COG5: variants seen among roughly 807,000 people sequenced by gnomAD.
COG5 encodes conserved oligomeric Golgi complex subunit 5.
Under a neutral mutation model 110.4 loss-of-function variants are expected in COG5, and 86 were observed. That is an observed-to-expected ratio of 0.78 (90% CI 0.65 to 0.93). COG5 has a LOEUF of 0.93. COG5 is among the 40% of genes least tolerant of loss of function. COG5 has a pLI of 0.00. For missense variants in COG5, 1,077 were observed against 987.0 expected (o/e 1.09, Z -1.22); for synonymous variants, 360 against 334.6 (o/e 1.08, Z -0.83).
chr7:107,507,212 T>C (rs1162472410), intron 6 of COG5, among the ~76,000 whole-genome samples: 2 of 152,216 alleles, frequency 1.3e-5, no homozygotes, highest in African/African-American at 4.8e-5. Flanking sequence ...AGCCTGCAGC[T>C]TCTTTCAAAG....
intron 6 of COG5, among the ~76,000 whole-genome samples, chr7:107,415,880 G>A (rs1384632101): frequency 2.1e-5 from 2 of 97,220 alleles, no homozygotes; most frequent in Non-Finnish European, 1.8e-5. Context: ...ATGTATGTGT[G>A]TGTATATACA....
chr7:107,391,192 G>T (rs954200221), intron 7 of COG5, among the ~76,000 whole-genome samples: 1 of 152,194 alleles, frequency 6.6e-6, no homozygotes, highest in South Asian at 2.1e-4. Flanking sequence ...TGCCCGGAAG[G>T]CCAGCGAGTA....
At chr7:107,256,905 A>G (rs1400128027) in intron 15 of COG5, 111 bp from the exon 16 acceptor site, 1 of 738,694 alleles carries the variant, frequency 1.4e-6, no homozygotes, top group South Asian at 1.5e-5. Context: ...ATACAATATT[A>G]TCATTGCTTT....
chr7:107,250,837 G>T (rs1288070472), intron 16 of COG5, among the ~76,000 whole-genome samples: 2 of 151,902 alleles, frequency 1.3e-5, no homozygotes, highest in Non-Finnish European at 2.9e-5. Flanking sequence ...AAATCTCTCT[G>T]GAGAAGAGAA....
At position 107,211,133 on chromosome 7, in the gene COG5, G is replaced by A. The variant is rs760602600; in HGVS notation, c.2261C>T (p.Thr754Met). Residue 754 changes from threonine to methionine, a missense_variant, in exon 20 of 22, where the codon ACG becomes ATG. Coordinates refer to ENST00000297135, the MANE Select transcript of COG5 (RefSeq NM_006348.5). Reference sequence around the variant, plus strand: ...AGATTTCAGTTCAGCGGGTGCTCTCGTGAACAAAAACTGAATAATGATGCT... The same window carrying A: ...AGATTTCAGTTCAGCGGGTGCTCTCATGAACAAAAACTGAATAATGATGCT... ...PFSIIIQFLF[T>M]RAPAELKSPF... 2.4e-5 allele frequency: 39 copies of A among 1,613,896 alleles called. No homozygotes were observed. The highest frequency in any genetic ancestry group is 6.7e-5 in the African/African-American group (5 of 74,880).
intron 6 of COG5, among the ~76,000 whole-genome samples, chr7:107,418,655 AC>A (rs1394856043): frequency 6.6e-6 from 1 of 150,590 alleles, no homozygotes; most frequent in Non-Finnish European, 1.5e-5. Flanking sequence ...ACCTTAGAGA[AC>A]ACAGAAGTTA....
Position 107,215,170 on chromosome 7 carries a change from G to T in COG5, c.2169-3945C>A, listed in dbSNP as rs116114417. On this transcript the variant is annotated intron_variant, in intron 19 of 21. Transcript: ENST00000297135. The stretch of plus-strand genomic sequence containing the variant: ...AGAGTAGAGGCACAAAACATACATA[G>T]AAAGAATTCAAAGCATACCACTACA... 3.2e-3 allele frequency among the ~76,000 whole-genome samples: 493 copies of T among 152,088 alleles called. 4 individuals carry two copies. The highest frequency in any genetic ancestry group is 0.011 in the African/African-American group (470 of 41,484).
chr7:107,514,233 T>C (rs1799755963), intron 6 of COG5, among the ~76,000 whole-genome samples: 1 of 151,496 alleles, frequency 6.6e-6, no homozygotes, highest in South Asian at 2.1e-4. Flanking sequence ...TCTTCAATAA[T>C]GCAATAAAGC....
At chr7:107,524,111 G>A (rs1214763393) in intron 6 of COG5, among the ~76,000 whole-genome samples, 1 of 152,084 alleles carries the variant, frequency 6.6e-6, no homozygotes, top group Non-Finnish European at 1.5e-5. Context: ...AAAGGCAAAG[G>A]TATTAATACA....
chr7:107,527,146 C>T (rs1563083333), intron 6 of COG5, 91 bp downstream of exon 6: 5 of 1,193,100 alleles, frequency 4.2e-6, no homozygotes, highest in South Asian at 1.4e-5. Flanking sequence ...ATAGTACTTG[C>T]TAATGGTGAT....
intron 14 of COG5, among the ~76,000 whole-genome samples, chr7:107,266,445 T>C (rs1009550590): frequency 3.3e-5 from 5 of 152,200 alleles, no homozygotes; most frequent in African/African-American, 1.2e-4. Context: ...GTTACATCTC[T>C]TCTCTGCTTT....
rs750649470 is a variant in COG5, at chr7:107,283,582, T to C, written c.1464A>G (p.Lys488=). 3 of 1,613,808 alleles carry C rather than the reference T, an allele frequency of 1.9e-6. No homozygotes were observed. The highest frequency in any genetic ancestry group is 4.5e-5 in the East Asian group (2 of 44,864). ...PSSDELDGII[K]TIASELNVAA... is the part of the protein sequence containing the mutation. ...TAAAAAATACATACCTTGCTATAGTTTTAATAATACCATCAAGTTCATCAG... is the reference window on the plus strand; with the variant it reads ...TAAAAAATACATACCTTGCTATAGTCTTAATAATACCATCAAGTTCATCAG... Residue 488 remains lysine (K), a synonymous_variant, in exon 13 of 22, where the codon AAA becomes AAG. Transcript: ENST00000297135.
intron 14 of COG5, among the ~76,000 whole-genome samples, chr7:107,267,955 C>T (rs973565274): frequency 6.6e-6 from 1 of 152,054 alleles, no homozygotes; most frequent in African/African-American, 2.4e-5. Context: ...TATTACTTTT[C>T]GTAGTAAGAA....
At chr7:107,259,127 C>T (rs1803117175) in intron 14 of COG5, among the ~76,000 whole-genome samples, 1 of 151,360 alleles carries the variant, frequency 6.6e-6, no homozygotes, top group African/African-American at 2.4e-5. Context: ...TCTTAACTGT[C>T]ATGGTTCAAA....
chr7:107,538,699 T>TA (rs747431241), intron 5 of COG5, among the ~76,000 whole-genome samples: 12 of 151,402 alleles, frequency 7.9e-5, no homozygotes, highest in Non-Finnish European at 1.8e-4. Flanking sequence ...ATGTTAAACA[T>TA]AGAGTTAGCA....
chr7:107,458,867 A>G (rs1444060150), intron 6 of COG5, among the ~76,000 whole-genome samples: 3 of 151,992 alleles, frequency 2.0e-5, no homozygotes, highest in Non-Finnish European at 2.9e-5. Context: ...TATTTCATGT[A>G]CATTATATGT....
At chr7:107,268,592 C>T (rs10247638) in intron 14 of COG5, among the ~76,000 whole-genome samples, 15,790 of 152,158 alleles carry the variant, frequency 0.1, 2,099 homozygotes, top group African/African-American at 0.31. Flanking sequence ...TTCCCCACCA[C>T]AGTCTCTCAT....
At chr7:107,447,925 G>A (rs1178942293) in intron 6 of COG5, among the ~76,000 whole-genome samples, 4 of 152,184 alleles carry the variant, frequency 2.6e-5, no homozygotes, top group Non-Finnish European at 5.9e-5. Context: ...GGAGGCTGAG[G>A]TGGGTGGATC....
intron 10 of COG5, among the ~76,000 whole-genome samples, chr7:107,346,054 T>C (rs892560509): frequency 1.3e-5 from 2 of 152,194 alleles, no homozygotes; most frequent in Admixed American, 6.5e-5. Flanking sequence ...AGTTTTAGTA[T>C]CGGCAAATTC....
Sources: allele counts gnomAD v4.1 joint callset (sites outside exome capture counted in the v4.1 genomes callset), GRCh38; gene constraint gnomAD v4.1.1; transcripts MANE v1.5; gene names NCBI Gene and HGNC (gene_info 2026-07-23, HGNC 2026-07-21).